The following GABRG3 variants were observed in gnomAD, a reference collection of about 807,000 sequenced individuals.
The protein encoded by GABRG3 is gamma-aminobutyric acid receptor subunit gamma-3.
In GABRG3, 25 loss-of-function variants were observed where a neutral mutation model predicts 48.8. That is an observed-to-expected ratio of 0.51 (90% CI 0.37 to 0.72). The LOEUF (loss-of-function observed/expected upper bound fraction) is 0.72, where lower values mean the gene tolerates loss of function less well. Among genes scored for constraint, GABRG3 ranks in the 30% least tolerant of loss-of-function variants. The pLI, the probability that GABRG3 is intolerant of heterozygous loss-of-function variation, is 0.00. For synonymous variants in GABRG3, 227 were observed against 217.6 expected (o/e 1.04, Z -0.38); for missense variants, 394 against 577.9 (o/e 0.68, Z 3.26).
chr15:27,011,386 C>G (rs938955004), intron 2 of GABRG3, among the ~76,000 whole-genome samples: 7 of 152,178 alleles, frequency 4.6e-5, no homozygotes, highest in African/African-American at 1.7e-4. Context: ...CCTTCCATCA[C>G]CCATATTCCT....
chr15:27,331,317 T>C (rs573232227), intron 5 of GABRG3, among the ~76,000 whole-genome samples: 4 of 152,182 alleles, frequency 2.6e-5, no homozygotes, highest in Non-Finnish European at 5.9e-5. Flanking sequence ...TTCTTCATAA[T>C]TGCCAAAATT....
rs551150066 is a variant in GABRG3 at position 27,195,576 on chromosome 15, C to T, written c.271-131233C>T. The stretch of plus-strand genomic sequence containing the variant: ...CAATCTCTTGACCTCATGATCTGCC[C>T]GCCTTGGCCTCCCAAATTCCTGGGT... On this transcript the variant is annotated intron_variant, in intron 3 of 9. Transcript: ENST00000615808. Among the ~76,000 whole-genome samples the T allele has an allele frequency of 2.2e-4, 34 of 152,204 alleles. No individual in the cohort carries two copies. The South Asian group carries it at 4.8e-3, about 21-fold the overall frequency.
At chr15:27,461,884 G>A (rs1237594838) in intron 5 of GABRG3, among the ~76,000 whole-genome samples, 1 of 152,148 alleles carries the variant, frequency 6.6e-6, no homozygotes, top group African/African-American at 2.4e-5. Context: ...GTCTACACTG[G>A]ATGTTTCGAT....
chr15:27,412,558 A>G (rs1015535071), intron 5 of GABRG3, among the ~76,000 whole-genome samples: 6 of 152,350 alleles, frequency 3.9e-5, no homozygotes, highest in Admixed American at 1.3e-4. Flanking sequence ...CATTCGCAGA[A>G]CATAAATCAG....
At chr15:27,475,689 GTGA>G (rs1031117377) in intron 5 of GABRG3, among the ~76,000 whole-genome samples, 9 of 151,912 alleles carry the variant, frequency 5.9e-5, no homozygotes, top group Admixed American at 1.3e-4. Context: ...GGTGGTGTTG[GTGA>G]TGATGATGGT....
chr15:27,213,593 C>T (rs1352526798), intron 3 of GABRG3, among the ~76,000 whole-genome samples: 1 of 152,218 alleles, frequency 6.6e-6, no homozygotes, highest in Non-Finnish European at 1.5e-5. Context: ...TTATGTGGAA[C>T]ATGAGTGAGG....
intron 3 of GABRG3, among the ~76,000 whole-genome samples, chr15:27,145,743 A>G (rs1330562455): frequency 4.6e-5 from 7 of 151,988 alleles, no homozygotes; most frequent in Admixed American, 1.3e-4. Context: ...GATGAAAACC[A>G]TTTATTTTCA....
chr15:27,415,997 C>A (rs1469626198), intron 5 of GABRG3, among the ~76,000 whole-genome samples: 1 of 152,178 alleles, frequency 6.6e-6, no homozygotes, highest in African/African-American at 2.4e-5. Flanking sequence ...TTCTAGCCCA[C>A]TTTTCCCATT....
chr15:27,490,955 G>A (rs914410004), intron 6 of GABRG3, among the ~76,000 whole-genome samples: 57 of 147,584 alleles, frequency 3.9e-4, no homozygotes, highest in African/African-American at 1.2e-3. Flanking sequence ...GATGTCTGTC[G>A]TCGGAGTCAT....
chr15:27,490,288 T>G (rs899158551), intron 6 of GABRG3, among the ~76,000 whole-genome samples: 2 of 152,228 alleles, frequency 1.3e-5, no homozygotes, highest in Admixed American at 1.3e-4. Context: ...CTGAGTGCTT[T>G]CAGCAGGATT....
At chr15:27,280,878 TCA>T (rs985728907) in intron 3 of GABRG3, among the ~76,000 whole-genome samples, 1 of 152,192 alleles carries the variant, frequency 6.6e-6, no homozygotes, top group African/African-American at 2.4e-5. Flanking sequence ...ATATTCTCAC[TCA>T]TTTTTTGACT....
intron 5 of GABRG3, chr15:27,363,010 G>C (rs1373395389): frequency 6.6e-6 from 1 of 152,152 alleles, no homozygotes; most frequent in Non-Finnish European, 1.5e-5. Context: ...AGAAATGTTT[G>C]CAATAACTTC....
intron 3 of GABRG3, among the ~76,000 whole-genome samples, chr15:27,196,516 G>T (rs1282494876): frequency 6.6e-6 from 1 of 152,122 alleles, no homozygotes; most frequent in Non-Finnish European, 1.5e-5. Flanking sequence ...AAGGGCTCTT[G>T]TTTCTAAAAT....
chr15:27,058,356 A>G (rs1010390225), intron 3 of GABRG3, among the ~76,000 whole-genome samples: 2 of 152,202 alleles, frequency 1.3e-5, no homozygotes, highest in African/African-American at 4.8e-5. Context: ...CTTGCTGAGC[A>G]GTTTAGACGA....
intron 5 of GABRG3, among the ~76,000 whole-genome samples, chr15:27,369,517 A>G (rs527783450): frequency 6.6e-6 from 1 of 152,336 alleles, no homozygotes; most frequent in South Asian, 2.1e-4. Flanking sequence ...TGGGCTCTCC[A>G]CTATGAAATT....
At chr15:27,502,175 A>G (rs373961400) in intron 6 of GABRG3, among the ~76,000 whole-genome samples, 1 of 152,220 alleles carries the variant, frequency 6.6e-6, no homozygotes, top group African/African-American at 2.4e-5. Context: ...ACAACCATGG[A>G]TCATGTTAAC....
intron 2 of GABRG3, among the ~76,000 whole-genome samples, chr15:27,007,087 T>TG (rs892327414): frequency 5.9e-5 from 9 of 151,824 alleles, no homozygotes; most frequent in African/African-American, 9.7e-5. Flanking sequence ...TCTTTTTTTT[T>TG]TTTGTTTTTT....
chr15:27,453,052 T>C (rs900095943), intron 5 of GABRG3, among the ~76,000 whole-genome samples: 8 of 152,160 alleles, frequency 5.3e-5, no homozygotes, highest in African/African-American at 1.9e-4. Flanking sequence ...AAGACAAATA[T>C]TGCATGACCT....
chr15:27,313,309 T>TATATATATATATATATATATATAC (rs1566779284), intron 3 of GABRG3, among the ~76,000 whole-genome samples: 1 of 95,458 alleles, frequency 1.0e-5, no homozygotes, highest in South Asian at 3.4e-4. Context: ...TATATATATA[T>TATATATATATATATATATATATAC]ACCCAACATC....
Sources: gnomAD v4.1 joint callset for allele counts (sites outside exome capture counted in the v4.1 genomes callset) on GRCh38, gnomAD v4.1.1 for gene constraint, MANE v1.5 for transcripts, NCBI Gene and HGNC (gene_info 2026-07-23, HGNC 2026-07-21) for gene names.